The following SGCZ variants were observed in gnomAD, a reference collection of about 807,000 sequenced individuals.
SGCZ encodes zeta-sarcoglycan.
Under a neutral mutation model 41.3 loss-of-function variants are expected in SGCZ, and 40 were observed. That is an observed-to-expected ratio of 0.97 (90% confidence interval 0.75 to 1.26). The LOEUF (loss-of-function observed/expected upper bound fraction) is 1.26. Among genes scored for constraint, SGCZ ranks in the 50% most tolerant of loss-of-function variants. The pLI, the probability that SGCZ is intolerant of heterozygous loss-of-function variation, is 0.00. For synonymous variants in SGCZ, 206 were observed against 137.5 expected, an observed-to-expected ratio of 1.50 and a Z score of -3.49; for missense variants, 552 against 369.8, an observed-to-expected ratio of 1.49 and a Z score of -4.04.
At chr8:15,195,219 A>T (rs1309937701) in intron 1 of SGCZ, among the ~76,000 whole-genome samples, 7 of 152,138 alleles carry the variant, frequency 4.6e-5, no homozygotes, top group Admixed American at 4.6e-4. Context: ...GGTACCCTGC[A>T]GTTTTCTTGG....
intron 1 of SGCZ, among the ~76,000 whole-genome samples, chr8:14,988,913 G>C (rs1439657545): frequency 1.3e-5 from 2 of 152,108 alleles, no homozygotes; most frequent in African/African-American, 4.8e-5. Context: ...TGTGGGGAGG[G>C]GGGGCATTGA....
chr8:15,142,959 C>A (rs1798934951), intron 1 of SGCZ, among the ~76,000 whole-genome samples: 1 of 152,068 alleles, frequency 6.6e-6, no homozygotes, highest in Admixed American at 6.5e-5. Flanking sequence ...TTTTATGGTA[C>A]ACTGAAAAAT....
At chr8:14,923,377 T>A (rs1799647973) in intron 1 of SGCZ, among the ~76,000 whole-genome samples, 1 of 152,206 alleles carries the variant, frequency 6.6e-6, no homozygotes, top group African/African-American at 2.4e-5. Flanking sequence ...ATTCAGAGAA[T>A]AAGAAATGAG....
rs539618216 is a variant in SGCZ at position 14,832,862 on chromosome 8, G to A, written c.40-277936C>T. On this transcript the variant is annotated intron_variant, in intron 1 of 7. Transcript: ENST00000382080. The stretch of plus-strand genomic sequence containing the variant: ...TCTAATATGTATGTTGCATAAAATA[G>A]GTAGGATGTTTTAATAGGTAGGTTT... Among the ~76,000 whole-genome samples, 595 of 151,978 alleles carry A rather than the reference G, an allele frequency of 3.9e-3. 5 individuals carry two copies. Among genetic ancestry groups the A allele is most frequent in the African/African-American group, 0.014 (568 of 41,438 alleles).
In SGCZ at chr8:15,012,606, A is replaced by ATAAC. The variant is rs1802873457; in HGVS notation, c.39+224978_39+224979insGTTA. On this transcript the variant is annotated intron_variant, in intron 1 of 7. Coordinates refer to ENST00000382080, the MANE Select transcript of SGCZ (RefSeq NM_139167.4). ...ATAACATATAAATATATATTTATAT[A>ATAAC]ATACATATATGTTTATATAATATAT... is the stretch of plus-strand genomic sequence containing the variant. Among the ~76,000 whole-genome samples the ATAAC allele has an allele frequency of 3.7e-5, 4 of 109,576 alleles. No homozygotes were observed. In the East Asian group the frequency reaches 1.1e-3, roughly 31 times the overall value. 71.9% of individuals were successfully genotyped at this position (109,576 alleles called of 152,430 possible). A position where few individuals can be genotyped will look rare whatever the true frequency, so the allele number is the denominator to read the frequency against.
intron 1 of SGCZ, among the ~76,000 whole-genome samples, chr8:14,750,679 A>G (rs1799472046): frequency 6.6e-6 from 1 of 152,208 alleles, no homozygotes; most frequent in Admixed American, 6.5e-5. Flanking sequence ...AAATGAATAA[A>G]AGCTGATCAG....
intron 3 of SGCZ, among the ~76,000 whole-genome samples, chr8:14,316,636 T>C (rs1440962329): frequency 2.0e-5 from 3 of 151,996 alleles, no homozygotes; most frequent in African/African-American, 7.2e-5. Context: ...CAGGATATCA[T>C]ATTATTTTGG....
chr8:14,978,217 C>T (rs1461326005), intron 1 of SGCZ, among the ~76,000 whole-genome samples: 1 of 137,244 alleles, frequency 7.3e-6, no homozygotes, highest in Non-Finnish European at 1.6e-5. Context: ...CCTGTAATCC[C>T]AGCACTTTAG....
At chr8:14,566,241 A>G (rs538027115) in intron 1 of SGCZ, among the ~76,000 whole-genome samples, 32 of 152,368 alleles carry the variant, frequency 2.1e-4, no homozygotes, top group African/African-American at 7.0e-4. Flanking sequence ...CTCTTGAATT[A>G]TTTACATTTT....
intron 2 of SGCZ, among the ~76,000 whole-genome samples, chr8:14,457,418 G>C (rs987523331): frequency 7.2e-5 from 11 of 152,222 alleles, no homozygotes; most frequent in African/African-American, 2.7e-4. Context: ...CCGCTACTTA[G>C]CAGACCGGGA....
chr8:14,092,411 TATGGCC>T (rs1407163244), intron 7 of SGCZ, among the ~76,000 whole-genome samples: 1 of 152,104 alleles, frequency 6.6e-6, no homozygotes, highest in Non-Finnish European at 1.5e-5. Context: ...CTTTGGGCAG[TATGGCC>T]ATTTTCATAT....
intron 2 of SGCZ, among the ~76,000 whole-genome samples, chr8:14,407,620 C>T (rs942852901): frequency 3.9e-5 from 6 of 152,086 alleles, no homozygotes; most frequent in African/African-American, 1.4e-4. Flanking sequence ...AAATATAATT[C>T]ATAACTGTTG....
chr8:14,329,097 T>C (rs1802225556), intron 2 of SGCZ, among the ~76,000 whole-genome samples: 1 of 152,192 alleles, frequency 6.6e-6, no homozygotes, highest in South Asian at 2.1e-4. Flanking sequence ...GTCTCCAGTA[T>C]TTTGTTATAG....
At chr8:14,620,465 T>C (rs537530160) in intron 1 of SGCZ, among the ~76,000 whole-genome samples, 1 of 152,028 alleles carries the variant, frequency 6.6e-6, no homozygotes. Context: ...AAAGAGCTTC[T>C]GCACAGCAAA....
chr8:15,063,998 TATA>T (rs1805033649), intron 1 of SGCZ, among the ~76,000 whole-genome samples: 2 of 152,220 alleles, frequency 1.3e-5, no homozygotes, highest in Non-Finnish European at 2.9e-5. Flanking sequence ...TCTGGTATTG[TATA>T]ATAAGCTAGG....
At chr8:15,056,348 AG>A (rs1257478218) in intron 1 of SGCZ, among the ~76,000 whole-genome samples, 1 of 152,224 alleles carries the variant, frequency 6.6e-6, no homozygotes, top group Non-Finnish European at 1.5e-5. Flanking sequence ...AATGTTAATT[AG>A]AAAAAATAAT....
intron 1 of SGCZ, among the ~76,000 whole-genome samples, chr8:14,996,607 G>A (rs555393401): frequency 1.7e-4 from 26 of 152,100 alleles, no homozygotes; most frequent in Non-Finnish European, 3.4e-4. Context: ...GTCAGATGGT[G>A]GAATTCAGAA....
intron 1 of SGCZ, among the ~76,000 whole-genome samples, chr8:15,215,102 G>C (rs1049369609): frequency 2.0e-5 from 3 of 152,100 alleles, no homozygotes; most frequent in African/African-American, 7.2e-5. Context: ...TGATCATGTA[G>C]ATTACTGAAT....
chr8:15,021,729 G>GC (rs1444713438), intron 1 of SGCZ, among the ~76,000 whole-genome samples: 3 of 152,106 alleles, frequency 2.0e-5, no homozygotes, highest in Non-Finnish European at 4.4e-5. Context: ...TTATCTTGAG[G>GC]CCCTTCTTTC....
Sources: gnomAD v4.1 joint callset for allele counts (sites outside exome capture counted in the v4.1 genomes callset) on GRCh38, gnomAD v4.1.1 for gene constraint, MANE v1.5 for transcripts, NCBI Gene and HGNC (gene_info 2026-07-23, HGNC 2026-07-21) for gene names.